Variants in STMN3 observed in about 807,000 individuals in gnomAD.
STMN3 encodes stathmin-3.
A neutral mutation model predicts 23.2 loss-of-function variants in STMN3; 24 were observed. The observed-to-expected ratio is 1.03, with a 90% CI of 0.75 to 1.45. The LOEUF is 1.45. Ranked by LOEUF, STMN3 falls within the 40% of genes most tolerant of loss-of-function variation. STMN3 has a pLI of 0.00. For synonymous variants in STMN3, 117 were observed against 103.4 expected (o/e 1.13, Z -0.80); for missense variants, 235 against 237.6 (o/e 0.99, Z 0.07).
intron 1 of STMN3, among the ~76,000 whole-genome samples, chr20:63,648,100 T>C (rs2089832711): frequency 6.7e-6 from 1 of 150,022 alleles, no homozygotes. Context: ...ACTAGGATTA[T>C]AGGTGTAAGC....
rs1463258905 is a variant in STMN3, at chr20:63,652,007, G to A, written c.19+1320C>T. ...GCAGGAGGGGAGTCCCCTCCGCTGA[G>A]AGCCCCCCCACCCCCAGTATCCCCG... is the stretch of plus-strand genomic sequence containing the variant. On this transcript the variant is annotated intron_variant, in intron 1 of 4. Transcript: ENST00000370053. The surrounding 1 kb of genome is among the most constrained non-coding windows in gnomAD (Gnocchi z 5.3). The A allele has an allele frequency of 1.3e-5, 2 of 150,946 alleles. No individual in the cohort carries two copies. Among genetic ancestry groups the A allele is most frequent in the Non-Finnish European group, 3.0e-5 (2 of 67,552 alleles). The allele number at this position is 150,946 out of a possible 1,614,324, so 9.4% of individuals were successfully genotyped here.
chr20:63,648,145 CAA>C (rs1299218702), intron 1 of STMN3, among the ~76,000 whole-genome samples: 1 of 150,998 alleles, frequency 6.6e-6, no homozygotes, highest in Admixed American at 6.7e-5. Context: ...TAATGTTAAA[CAA>C]GAGGATGTGA....
At position 63,647,831 on chromosome 20, in the gene STMN3, CGTATATAT is replaced by C. The variant is rs1227317224; in HGVS notation, c.20-3530_20-3523del. On this transcript the variant is annotated intron_variant, in intron 1 of 4. Coordinates refer to ENST00000370053, the MANE Select transcript of STMN3 (RefSeq NM_015894.4). ...TACACGTGTATATATAATATATATA[CGTATATAT>C]GTATATATTAATATATATACGTATA... Among the ~76,000 whole-genome samples, 9 of 113,290 alleles carry C rather than the reference CGTATATAT, an allele frequency of 7.9e-5. 1 individual carries two copies. Among genetic ancestry groups the C allele is most frequent in the Non-Finnish European group, 1.3e-4 (7 of 54,090 alleles). 74.3% of individuals were successfully genotyped at this position (113,290 alleles called of 152,430 possible). A position where few individuals can be genotyped will look rare whatever the true frequency, so the allele number is the denominator to read the frequency against.
intron 2 of STMN3, 84 bp from the exon 3 acceptor site, chr20:63,644,015 A>C: frequency 6.5e-7 from 1 of 1,548,402 alleles, no homozygotes; most frequent in Non-Finnish European, 8.7e-7. Context: ...GCACACATCC[A>C]ACCCCAGGGC....
rs758331939 is a variant in STMN3, at chr20:63,643,760, C to T, written c.287G>A (p.Arg96Lys). Residue 96 changes from arginine (R) to lysine (K), a missense_variant, in exon 3 of 5, where the codon AGG becomes AAG. By Grantham distance (26) the Arg-to-Lys change is conservative. Coordinates refer to ENST00000370053, the MANE Select transcript of STMN3 (RefSeq NM_015894.4). ...QKRLEAAEER[R>K]KTQEAQVLKQ... Reference sequence around the variant, plus strand: ...GGGGGATGGAGGACTCCTTGCCTTCCTCCGCTCCTCGGCTGCCTCCAGCCG... The same window carrying T: ...GGGGGATGGAGGACTCCTTGCCTTCTTCCGCTCCTCGGCTGCCTCCAGCCG... 11 of 1,542,132 alleles carry T rather than the reference C, an allele frequency of 7.1e-6. No individual in the cohort carries two copies. In the African/African-American group the frequency reaches 1.4e-4, roughly 20 times the overall value.
chr20:63,652,684 G>A lies in STMN3; in HGVS notation c.19+643C>T, dbSNP rs982885268. The stretch of plus-strand genomic sequence containing the variant: ...GTCGCCCCTCCCCCATCCAGACCCC[G>A]CGGCGCAAAGGGCAGTGGCTTTTCT... On this transcript the variant is annotated intron_variant, in intron 1 of 4. Coordinates refer to ENST00000370053, the MANE Select transcript of STMN3 (RefSeq NM_015894.4). The surrounding 1 kb of genome is among the most constrained non-coding windows in gnomAD (Gnocchi z 5.3). 6.1e-6 allele frequency: 6 copies of A among 985,690 alleles called. No homozygotes were observed. Among genetic ancestry groups the A allele is most frequent in the South Asian group, 9.4e-5 (2 of 21,308 alleles). The allele number at this position is 985,690 out of a possible 1,614,324, so 61.1% of individuals were successfully genotyped here.
chr20:63,644,176 G>T (rs141932828), intron 2 of STMN3, 38 bp downstream of exon 2: 1 of 1,561,940 alleles, frequency 6.4e-7, no homozygotes, highest in Non-Finnish European at 8.8e-7. Flanking sequence ...AGGTGGGCAG[G>T]CACCGCAGGG....
In STMN3 at chr20:63,652,821, C is replaced by G. The variant is rs1039140570; in HGVS notation, c.19+506G>C. 1.0e-6 allele frequency: 1 copy of G among 978,114 alleles called. No individual in the cohort carries two copies. The highest frequency in any genetic ancestry group is 1.2e-6 in the Non-Finnish European group (1 of 823,308). The allele number at this position is 978,114 out of a possible 1,614,324, so 60.6% of individuals were successfully genotyped here. Reference sequence around the variant, plus strand: ...GGCTCCGCCGTGTCTGGCCCGCCCCCCTCCTTCAGCGCCCCCTCCAGCCCC... The same window carrying G: ...GGCTCCGCCGTGTCTGGCCCGCCCCGCTCCTTCAGCGCCCCCTCCAGCCCC... On this transcript the variant is annotated intron_variant, in intron 1 of 4. Transcript: ENST00000370053. This position sits in a 1 kb window ranked among gnomAD's most constrained non-coding sequence, Gnocchi z 5.3.
chr20:63,650,564 A>ACCCG (rs2089850472), intron 1 of STMN3, among the ~76,000 whole-genome samples: 1 of 102,830 alleles, frequency 9.7e-6, no homozygotes, highest in Non-Finnish European at 1.9e-5. Flanking sequence ...CCCGTCGCCC[A>ACCCG]GGTGGATGGT....
intron 3 of STMN3, among the ~76,000 whole-genome samples, chr20:63,643,005 G>A (rs1262747002): frequency 6.6e-6 from 1 of 152,122 alleles, no homozygotes; most frequent in Non-Finnish European, 1.5e-5. Flanking sequence ...GGTGGGAGGG[G>A]AGGCTGCAGG....
chr20:63,649,563 C>T (rs1298381596), intron 1 of STMN3, among the ~76,000 whole-genome samples: 1 of 152,154 alleles, frequency 6.6e-6, no homozygotes, highest in Non-Finnish European at 1.5e-5. Context: ...CGGAGTCTCA[C>T]TCTGTCTCCC....
rs1016117373 is a variant in STMN3, at chr20:63,641,181, G to A, written c.*157C>T. The A allele has an allele frequency of 3.5e-5, 25 of 717,012 alleles. No individual in the cohort carries two copies. Among genetic ancestry groups the A allele is most frequent in the Admixed American group, 6.1e-5 (3 of 48,924 alleles). 44.4% of individuals were successfully genotyped at this position (717,012 alleles called of 1,614,324 possible). A position where few individuals can be genotyped will look rare whatever the true frequency, so the allele number is the denominator to read the frequency against. ...AGCCGTGGTCAGCGACTCACCACGA[G>A]GACAGGGCAGGGCGGCTGAGTGCGG... On this transcript the variant is annotated 3_prime_UTR_variant, in exon 5 of 5. Transcript: ENST00000370053.
chr20:63,643,703 G>A (rs1356228470), intron 3 of STMN3, 53 bp downstream of exon 3: 17 of 1,479,474 alleles, frequency 1.1e-5, no homozygotes, highest in African/African-American at 4.3e-5. Context: ...CCCTGTCCCC[G>A]TGGGCCGCCT....
intron 1 of STMN3, among the ~76,000 whole-genome samples, chr20:63,651,510 T>A (rs2089858627): frequency 6.6e-6 from 1 of 152,110 alleles, no homozygotes; most frequent in South Asian, 2.1e-4. Context: ...TCACCCAGGC[T>A]GCTTCTCATG....
intron 2 of STMN3, 100 bp downstream of exon 2, chr20:63,644,114 G>C (rs1168234494): frequency 3.7e-6 from 5 of 1,361,736 alleles, no homozygotes; most frequent in Non-Finnish European, 5.1e-6. Flanking sequence ...CCTCTCCAGA[G>C]GCAGCCAGGA....
At chr20:63,646,218 G>C (rs2089807716) in intron 1 of STMN3, among the ~76,000 whole-genome samples, 1 of 152,038 alleles carries the variant, frequency 6.6e-6, no homozygotes, top group South Asian at 2.1e-4. Flanking sequence ...CCGTGCGAGA[G>C]CCTTTGGGGG....
intron 3 of STMN3, among the ~76,000 whole-genome samples, 182 bp from the exon 4 acceptor site, chr20:63,642,481 C>T (rs1470377829): frequency 2.6e-5 from 4 of 151,850 alleles, no homozygotes; most frequent in Non-Finnish European, 5.9e-5. Context: ...TGCCATCCGG[C>T]CTGTGGTCGG....
In STMN3 at chr20:63,643,809, T is replaced by C. The variant is rs1601056461; in HGVS notation, c.238A>G (p.Thr80Ala). The part of the protein sequence containing the change: ...MLSSPPKKKD[T>A]SLEELQKRLE... Reference sequence around the variant, plus strand: ...CGCTTTTGCAGCTCCTCCAGGGAGGTGTCCTTCTTCTTGGGTGGGGAGGAG... The same window carrying C: ...CGCTTTTGCAGCTCCTCCAGGGAGGCGTCCTTCTTCTTGGGTGGGGAGGAG... Residue 80 changes from threonine to alanine, a missense_variant, in exon 3 of 5, where the codon ACC becomes GCC. Thr to Ala is a moderately conservative substitution (Grantham distance 58). Coordinates refer to ENST00000370053, the MANE Select transcript of STMN3 (RefSeq NM_015894.4). 3 of 1,560,428 alleles carry C rather than the reference T, an allele frequency of 1.9e-6. No homozygotes were observed. The highest frequency in any genetic ancestry group is 2.6e-6 in the Non-Finnish European group (3 of 1,163,250).
chr20:63,644,368 G>A (rs1048436113), intron 1 of STMN3, 59 bp from the exon 2 acceptor site: 10 of 1,356,386 alleles, frequency 7.4e-6, no homozygotes, highest in African/African-American at 4.3e-5. Context: ...CTGGGCCCCC[G>A]TTTTCCCTCC....
Sources: gnomAD v4.1 joint callset for allele counts (sites outside exome capture counted in the v4.1 genomes callset) on GRCh38, gnomAD v4.1.1 for gene constraint, Gnocchi (gnomAD v3.1) non-coding constraint, MANE v1.5 for transcripts, NCBI Gene and HGNC (gene_info 2026-07-23, HGNC 2026-07-21) for gene names.